The following C12orf42 variants were observed in gnomAD, a reference collection of about 807,000 sequenced individuals.
The protein encoded by C12orf42 is chromosome 12 open reading frame 42, also known as uncharacterized protein C12orf42.
In C12orf42, 25 loss-of-function variants were observed where a neutral mutation model predicts 21.6. The ratio of observed to expected loss-of-function variants is 1.16; its 90% CI spans 0.84 to 1.62. C12orf42 has a LOEUF of 1.62. Ranked by LOEUF, C12orf42 falls within the 40% of genes most tolerant of loss-of-function variation. The pLI, the probability that C12orf42 is intolerant of heterozygous loss-of-function variation, is 0.00. For missense variants in C12orf42, 483 were observed against 459.3 expected (o/e 1.05, Z -0.47); for synonymous variants, 174 against 175.0 (o/e 0.99, Z 0.05).
At chr12:103,542,544 A>C in the C12orf42 span, among the ~76,000 whole-genome samples, 1 of 152,216 alleles carries the variant, frequency 6.6e-6, no homozygotes, top group Admixed American at 6.5e-5. Flanking sequence ...GGCACAGTGG[A>C]AACTCCAGGG....
rs184424128 is a variant in C12orf42 at position 103,295,657 on chromosome 12, G to A, written n.338-18447C>T. ...TCAGCAGAAATTGTGCTCAATGTCA[G>A]TGTAAGGAAGTTAGATCTATAACCT... On this transcript the variant is annotated intron_variant and non_coding_transcript_variant, in intron 4 of 6. Transcript: ENST00000546526. Among the ~76,000 whole-genome samples, 314 of 152,280 alleles carry A rather than the reference G, an allele frequency of 2.1e-3. 1 individual carries two copies. The highest frequency in any genetic ancestry group is 7.1e-3 in the African/African-American group (296 of 41,564).
Position 103,465,423 on chromosome 12 carries a change from T to C in C12orf42, c.78+12926A>G, listed in dbSNP as rs1953044235. Among the ~76,000 whole-genome samples the C allele has an allele frequency of 3.3e-5, 5 of 152,324 alleles. 1 individual carries two copies. The South Asian group carries it at 1.0e-3, about 32-fold the overall frequency. Reference sequence around the variant, plus strand: ...CTTGTCAATTGTTGGTGTATAGGAATGCTTGTGATTTTTGCACATTGATTT... The same window carrying C: ...CTTGTCAATTGTTGGTGTATAGGAACGCTTGTGATTTTTGCACATTGATTT... On this transcript the variant is annotated intron_variant, in intron 2 of 5. Transcript: ENST00000548883.
the C12orf42 span, among the ~76,000 whole-genome samples, chr12:103,515,660 A>C: frequency 6.6e-6 from 1 of 152,230 alleles, no homozygotes; most frequent in South Asian, 2.1e-4. Flanking sequence ...GTTCCAAAAA[A>C]ATGAACTACA....
intron 4 of C12orf42, among the ~76,000 whole-genome samples, chr12:103,355,256 G>T (rs2137552054): frequency 6.6e-6 from 1 of 152,182 alleles, no homozygotes; most frequent in South Asian, 2.1e-4. Flanking sequence ...GGCATAATCT[G>T]CTTATGAGCA....
Position 103,293,578 on chromosome 12 carries a change from T to C in C12orf42, n.338-16368A>G, listed in dbSNP as rs79453975. Among the ~76,000 whole-genome samples the C allele has an allele frequency of 5.6e-3, 858 of 152,284 alleles. 12 individuals carry two copies. The highest frequency in any genetic ancestry group is 0.02 in the African/African-American group (822 of 41,582). On this transcript the variant is annotated intron_variant and non_coding_transcript_variant, in intron 4 of 6. Coordinates refer to the C12orf42 transcript ENST00000546526. ...ATCTCTCCCTTCTCTAACTTTCTAC[T>C]GCACTTACTCACTTTAAAACTTCAA...
At chr12:103,405,075 C>T (rs11111554) in intron 2 of C12orf42, among the ~76,000 whole-genome samples, 2,741 of 152,242 alleles carry the variant, frequency 0.018, 63 homozygotes, top group African/African-American at 0.057. Flanking sequence ...TGACCACAGC[C>T]TTTTATTCAA....
At position 103,295,249 on chromosome 12, in the gene C12orf42, C is replaced by T. The variant is rs1456516050; in HGVS notation, n.338-18039G>A. ...CACATTTGTAGTTACAAAAACATTA[C>T]CTCATCCCTTCCCTTGTCTGGGTAG... On this transcript the variant is annotated intron_variant and non_coding_transcript_variant, in intron 4 of 6. Coordinates refer to the C12orf42 transcript ENST00000546526. Among the ~76,000 whole-genome samples the T allele has an allele frequency of 4.6e-5, 7 of 152,120 alleles. No individual in the cohort carries two copies. In the South Asian group the frequency reaches 8.3e-4, roughly 18 times the overall value.
the C12orf42 span, among the ~76,000 whole-genome samples, chr12:103,151,609 T>C: frequency 3.3e-5 from 5 of 152,108 alleles, no homozygotes; most frequent in Non-Finnish European, 2.9e-5. Context: ...TAATGAGCTT[T>C]GAAAAAGATC....
chr12:103,193,259 T>G, the C12orf42 span, among the ~76,000 whole-genome samples: 1 of 151,022 alleles, frequency 6.6e-6, no homozygotes, highest in African/African-American at 2.4e-5. Context: ...AAATTTATAG[T>G]GATAAGCACC....
At chr12:103,162,484 A>C in the C12orf42 span, among the ~76,000 whole-genome samples, 3 of 151,172 alleles carry the variant, frequency 2.0e-5, no homozygotes, top group South Asian at 6.3e-4. Context: ...GTGAGGGTAC[A>C]TAGATGTCAA....
At chr12:103,096,519 A>G in the C12orf42 span, among the ~76,000 whole-genome samples, 1 of 152,210 alleles carries the variant, frequency 6.6e-6, no homozygotes, top group Admixed American at 6.5e-5. Context: ...GCCTTGACTT[A>G]CTAACGTATG....
chr12:103,275,928 C>T (rs2035746807), intron 5 of C12orf42, among the ~76,000 whole-genome samples: 1 of 151,986 alleles, frequency 6.6e-6, no homozygotes, highest in Non-Finnish European at 1.5e-5. Flanking sequence ...AATAAATTAG[C>T]TGGACATGGT....
At chr12:103,486,155 C>A (rs986195898) in intron 1 of C12orf42, among the ~76,000 whole-genome samples, 1 of 152,122 alleles carries the variant, frequency 6.6e-6, no homozygotes, top group Middle Eastern at 3.2e-3. Flanking sequence ...CCATTAATAC[C>A]TAGTTTATTG....
chr12:103,356,032 GA>G (rs1338441353), intron 4 of C12orf42, among the ~76,000 whole-genome samples: 3 of 152,068 alleles, frequency 2.0e-5, no homozygotes, highest in African/African-American at 7.2e-5. Context: ...GTAAAGTGCA[GA>G]GACATTAAGC....
At chr12:103,442,998 T>C (rs554124720) in intron 2 of C12orf42, among the ~76,000 whole-genome samples, 1 of 152,112 alleles carries the variant, frequency 6.6e-6, no homozygotes, top group African/African-American at 2.4e-5. Context: ...CAGCTTACAG[T>C]CAAATGGAGA....
At chr12:103,545,611 T>C in the C12orf42 span, among the ~76,000 whole-genome samples, 7 of 152,192 alleles carry the variant, frequency 4.6e-5, no homozygotes, top group African/African-American at 1.4e-4. Context: ...TGGCAAAGAC[T>C]AAAATGTAAC....
At chr12:103,503,012 C>T in the C12orf42 span, among the ~76,000 whole-genome samples, 2 of 152,154 alleles carry the variant, frequency 1.3e-5, no homozygotes, top group African/African-American at 4.8e-5. Context: ...CACCTGAAAC[C>T]TCAATCAACA....
chr12:103,522,187 G>A, the C12orf42 span, among the ~76,000 whole-genome samples: 15 of 152,244 alleles, frequency 9.9e-5, no homozygotes, highest in African/African-American at 3.6e-4. Flanking sequence ...TAAGTCTCAC[G>A]AGATCTGATG....
chr12:103,548,476 G>A, the C12orf42 span, among the ~76,000 whole-genome samples: 1 of 152,086 alleles, frequency 6.6e-6, no homozygotes, highest in African/African-American at 2.4e-5. Flanking sequence ...AATGAAACTC[G>A]ACATAAATAG....
Sources: allele counts gnomAD v4.1 joint callset (sites outside exome capture counted in the v4.1 genomes callset), GRCh38; gene constraint gnomAD v4.1.1; transcripts MANE v1.5; gene names NCBI Gene and HGNC (gene_info 2026-07-23, HGNC 2026-07-21).